SGCZ: variants seen among roughly 807,000 people sequenced by gnomAD.
SGCZ encodes sarcoglycan zeta, also known as zeta-sarcoglycan.
In SGCZ, 40 loss-of-function variants were observed where a neutral mutation model predicts 41.3. The ratio of observed to expected loss-of-function variants is 0.97; its 90% CI spans 0.75 to 1.26. The LOEUF is 1.26. SGCZ is among the 50% of genes most tolerant of loss of function. The probability of loss-of-function intolerance (pLI) is 0.00; values close to 1 mark genes in which losing one functional copy is unlikely to be tolerated. For missense variants in SGCZ, 552 were observed against 369.8 expected, an observed-to-expected ratio of 1.49 and a Z score of -4.04; for synonymous variants, 206 against 137.5, an observed-to-expected ratio of 1.50 and a Z score of -3.49.
chr8:14,102,695 A>G (rs1006719507), intron 6 of SGCZ, among the ~76,000 whole-genome samples, 196 bp from the exon 7 acceptor site: 1 of 152,140 alleles, frequency 6.6e-6, no homozygotes, highest in Non-Finnish European at 1.5e-5. Flanking sequence ...TGACGTATCT[A>G]TTTTTGGCTC....
chr8:14,164,749 C>G (rs912269598), intron 4 of SGCZ, 47 bp from the exon 5 acceptor site: 2 of 1,596,664 alleles, frequency 1.3e-6, no homozygotes, highest in Non-Finnish European at 1.7e-6. Flanking sequence ...ATGCAGGAAA[C>G]CATTAACATG....
intron 1 of SGCZ, among the ~76,000 whole-genome samples, chr8:14,618,916 G>A (rs1806194644): frequency 6.6e-6 from 1 of 152,136 alleles, no homozygotes; most frequent in Admixed American, 6.6e-5. Flanking sequence ...AGGTGGAAAA[G>A]CAGTTGAGCT....
chr8:15,152,780 T>C (rs111401530), intron 1 of SGCZ, among the ~76,000 whole-genome samples: 3 of 152,238 alleles, frequency 2.0e-5, no homozygotes, highest in Non-Finnish European at 4.4e-5. Flanking sequence ...TTAAGAACAC[T>C]AGTATTGTCT....
chr8:14,478,244 T>A (rs1344899352), intron 2 of SGCZ, among the ~76,000 whole-genome samples: 2 of 152,258 alleles, frequency 1.3e-5, no homozygotes, highest in African/African-American at 2.4e-5. Flanking sequence ...AGCACAAGAA[T>A]GTTTATAGCA....
At chr8:14,090,874 G>T (rs1260266635) in intron 7 of SGCZ, among the ~76,000 whole-genome samples, 1 of 151,932 alleles carries the variant, frequency 6.6e-6, no homozygotes, top group East Asian at 1.9e-4. Context: ...AATCTGAAAA[G>T]CAACATCATA....
At chr8:14,387,147 A>C (rs1176359164) in intron 2 of SGCZ, among the ~76,000 whole-genome samples, 4 of 152,218 alleles carry the variant, frequency 2.6e-5, no homozygotes, top group African/African-American at 9.6e-5. Context: ...TCCTGGCCTC[A>C]AGTGATCCTC....
intron 1 of SGCZ, among the ~76,000 whole-genome samples, chr8:14,941,319 A>T (rs1378716036): frequency 6.6e-6 from 1 of 152,172 alleles, no homozygotes; most frequent in Non-Finnish European, 1.5e-5. Context: ...CTACAGCATT[A>T]TTTAAAGTGG....
At chr8:14,257,395 C>T (rs1031115695) in intron 3 of SGCZ, among the ~76,000 whole-genome samples, 2 of 151,734 alleles carry the variant, frequency 1.3e-5, no homozygotes, top group Non-Finnish European at 2.9e-5. Context: ...CAAACAAAAC[C>T]TAAACAGGTT....
At chr8:14,734,341 T>C (rs1416905990) in intron 1 of SGCZ, among the ~76,000 whole-genome samples, 2 of 152,104 alleles carry the variant, frequency 1.3e-5, no homozygotes, top group African/African-American at 2.4e-5. Context: ...TAATAAATGG[T>C]AAGAAAACTA....
chr8:14,500,182 A>C (rs1802108998), intron 2 of SGCZ, among the ~76,000 whole-genome samples: 1 of 152,102 alleles, frequency 6.6e-6, no homozygotes, highest in African/African-American at 2.4e-5. Flanking sequence ...GCCAAGTGTA[A>C]AGAATCGCTT....
intron 1 of SGCZ, among the ~76,000 whole-genome samples, chr8:14,651,678 T>C (rs1287593433): frequency 6.6e-6 from 1 of 152,114 alleles, no homozygotes; most frequent in Non-Finnish European, 1.5e-5. Context: ...AATTTTCTTA[T>C]TCTCTTCTTG....
chr8:14,997,234 G>A (rs548398367), intron 1 of SGCZ, among the ~76,000 whole-genome samples: 89 of 152,150 alleles, frequency 5.8e-4, no homozygotes, highest in Non-Finnish European at 9.6e-4. Context: ...TTCGATTCTA[G>A]GTTCCTTTAA....
At chr8:14,972,336 G>A (rs935862807) in intron 1 of SGCZ, among the ~76,000 whole-genome samples, 2 of 151,970 alleles carry the variant, frequency 1.3e-5, no homozygotes, top group Non-Finnish European at 2.9e-5. Flanking sequence ...AATTTGGATA[G>A]CTGTTTATTA....
chr8:14,600,273 C>T (rs904544421), intron 1 of SGCZ, among the ~76,000 whole-genome samples: 3 of 152,184 alleles, frequency 2.0e-5, no homozygotes, highest in African/African-American at 4.8e-5. Context: ...CCCTTGGACT[C>T]AATTCCTGTG....
intron 1 of SGCZ, among the ~76,000 whole-genome samples, chr8:15,129,158 C>T (rs10503534): frequency 0.012 from 1,859 of 152,276 alleles, 15 homozygotes; most frequent in Non-Finnish European, 0.019. Flanking sequence ...TGACACTGGT[C>T]AGTGAGCTTT....
At chr8:14,780,785 T>C (rs554065471) in intron 1 of SGCZ, among the ~76,000 whole-genome samples, 1 of 152,198 alleles carries the variant, frequency 6.6e-6, no homozygotes. Context: ...CTCTGTTTTC[T>C]TAGTGAAATT....
chr8:15,015,297 T>C (rs1162002703), intron 1 of SGCZ, among the ~76,000 whole-genome samples: 2 of 152,014 alleles, frequency 1.3e-5, no homozygotes, highest in Non-Finnish European at 2.9e-5. Context: ...TAATTAGACT[T>C]AGAAATCTTC....
At chr8:15,087,198 A>G (rs1483275979) in intron 1 of SGCZ, among the ~76,000 whole-genome samples, 1 of 152,118 alleles carries the variant, frequency 6.6e-6, no homozygotes, top group Non-Finnish European at 1.5e-5. Context: ...CCAGTGCTAC[A>G]AAATTGTCAA....
chr8:14,483,304 T>TA (rs1451976171), intron 2 of SGCZ, among the ~76,000 whole-genome samples: 3 of 152,190 alleles, frequency 2.0e-5, no homozygotes, highest in Non-Finnish European at 4.4e-5. Context: ...GTGCAATGGT[T>TA]CATACTTGTA....
Sources: allele counts gnomAD v4.1 joint callset (sites outside exome capture counted in the v4.1 genomes callset), GRCh38; gene constraint gnomAD v4.1.1; transcripts MANE v1.5; gene names NCBI Gene and HGNC (gene_info 2026-07-23, HGNC 2026-07-21).